Variants in CLCF1 observed in about 807,000 individuals in gnomAD.
CLCF1 encodes cardiotrophin-like cytokine factor 1.
Under a neutral mutation model 21.2 loss-of-function variants are expected in CLCF1, and 10 were observed. That is an observed-to-expected ratio of 0.47 (90% confidence interval 0.29 to 0.80). CLCF1 has a LOEUF of 0.80. Ranked by LOEUF, CLCF1 falls within the 30% of genes least tolerant of loss-of-function variation. The pLI, the probability that CLCF1 is intolerant of heterozygous loss-of-function variation, is 0.09. For missense variants in CLCF1, 240 were observed against 293.4 expected (o/e 0.82, Z 1.33); for synonymous variants, 115 against 120.5 (o/e 0.95, Z 0.30).
At chr11:67,370,386 C>T (rs915799167) in intron 1 of CLCF1, 6 of 984,342 alleles carry the variant, frequency 6.1e-6, no homozygotes, top group Non-Finnish European at 7.2e-6. Context: ...CCCTCTCCCC[C>T]TCCCCACCAG....
Position 67,365,016 on chromosome 11 carries a change from G to T in CLCF1, c.*120C>A. On this transcript the variant is annotated 3_prime_UTR_variant, in exon 3 of 3. Transcript: ENST00000312438. The surrounding 1 kb of genome is among the most constrained non-coding windows in gnomAD (Gnocchi z 5.0). Reference sequence around the variant, plus strand: ...TCGCATCACACGCCCAGCCGGTCCAGGAAAGGGCCAGAGGCTCACAGCTTC... The same window carrying T: ...TCGCATCACACGCCCAGCCGGTCCATGAAAGGGCCAGAGGCTCACAGCTTC... 6.5e-7 allele frequency: 1 copy of T among 1,548,234 alleles called. No homozygotes were observed.
chr11:67,366,766 T>C (rs2134878356), intron 2 of CLCF1, among the ~76,000 whole-genome samples: 1 of 152,176 alleles, frequency 6.6e-6, no homozygotes, highest in East Asian at 1.9e-4. Flanking sequence ...CTCCCTTTTC[T>C]TTCCCTGGCT....
rs766128849 is a variant in CLCF1, at chr11:67,367,466, C to T, written c.177G>A (p.Gly59=). ...TCCTACGCTGGATACTCACATAGGT[C>T]CCAGCCAAGCTGCGGAGTTGGTGCT... ...YLEHQLRSLA[G]TYLNYLGPPF... The change falls in exon 2 of 3, where the codon GGG becomes GGA. Residue 59 remains glycine, a synonymous_variant. Coordinates refer to ENST00000312438, the MANE Select transcript of CLCF1 (RefSeq NM_013246.3). 6.2e-7 allele frequency: 1 copy of T among 1,614,232 alleles called. No individual in the cohort carries two copies. The highest frequency in any genetic ancestry group is 8.5e-7 in the Non-Finnish European group (1 of 1,180,038).
At chr11:67,373,490 G>GCGGGGGT (rs1862281694) in intron 1 of CLCF1, 34 bp downstream of exon 1, 1 of 1,148,342 alleles carries the variant, frequency 8.7e-7, no homozygotes, top group Admixed American at 2.5e-5. Context: ...GCTTGGCGGG[G>GCGGGGGT]CGGGGGTCGG....
chr11:67,367,490 C>G lies in CLCF1; in HGVS notation c.153G>C (p.Glu51Asp). ...QKTYDLTRYL[E>D]HQLRSLAGTY... ...TCCCAGCCAAGCTGCGGAGTTGGTG[C>G]TCCAGGTAGCGGGTGAGGTCATAGG... is the stretch of plus-strand genomic sequence containing the variant. The change falls in exon 2 of 3, where the codon GAG (glutamate) becomes GAC (aspartate). Residue 51 changes from glutamate to aspartate, a missense_variant. Transcript: ENST00000312438. 1 of 1,614,244 alleles carries G rather than the reference C, an allele frequency of 6.2e-7. No homozygotes were observed. The highest frequency in any genetic ancestry group is 1.1e-5 in the South Asian group (1 of 91,088).
intron 1 of CLCF1, chr11:67,367,998 C>T (rs1010180637): frequency 3.9e-5 from 38 of 982,140 alleles, no homozygotes; most frequent in African/African-American, 5.5e-5. Flanking sequence ...TGCCTGTGTT[C>T]CAGTTGTACC....
At position 67,373,526 on chromosome 11, in the gene CLCF1, G is replaced by A; in HGVS notation, c.14C>T (p.Ala5Val). The change falls in exon 1 of 3, where the codon GCA (alanine) becomes GTA (valine). Residue 5 changes from alanine (A) to valine (V), a missense_variant and splice_region_variant. Transcript: ENST00000312438. MDLR[A>V]GDSWGMLACL... ...GGCCTCGGCCGCCTGGCTCCTACCT[G>A]CTCGGAGGTCCATGGGGCTGGGGCC... The A allele has an allele frequency of 1.4e-6, 2 of 1,427,760 alleles. No homozygotes were observed. Among genetic ancestry groups the A allele is most frequent in the Non-Finnish European group, 1.8e-6 (2 of 1,087,404 alleles). 88.4% of individuals were successfully genotyped at this position (1,427,760 alleles called of 1,614,324 possible). A position where few individuals can be genotyped will look rare whatever the true frequency, so the allele number is the denominator to read the frequency against.
chr11:67,367,994 T>A, intron 1 of CLCF1: 1 of 983,858 alleles, frequency 1.0e-6, no homozygotes, highest in African/African-American at 1.8e-5. Flanking sequence ...GACCTGCCTG[T>A]GTTCCAGTTG....
intron 1 of CLCF1, chr11:67,368,763 A>AG (rs914332739): frequency 1.0e-6 from 1 of 985,120 alleles, no homozygotes; most frequent in African/African-American, 1.7e-5. Context: ...GGGCAGGCAG[A>AG]GGGTGAGTTG....
chr11:67,371,973 G>A (rs1215730644), intron 1 of CLCF1, among the ~76,000 whole-genome samples: 1 of 152,076 alleles, frequency 6.6e-6, no homozygotes, highest in African/African-American at 2.4e-5. Flanking sequence ...TGCCATCTCT[G>A]CTTCCTCCCC....
At position 67,364,417 on chromosome 11, in the gene CLCF1, C is replaced by G. The variant is rs184926921; in HGVS notation, c.*719G>C. 1 of 152,568 alleles carries G rather than the reference C, an allele frequency of 6.6e-6. No individual in the cohort carries two copies. Among genetic ancestry groups the G allele is most frequent in the East Asian group, 1.9e-4 (1 of 5,172 alleles). 9.5% of individuals were successfully genotyped at this position (152,568 alleles called of 1,614,324 possible). A position where few individuals can be genotyped will look rare whatever the true frequency, so the allele number is the denominator to read the frequency against. On this transcript the variant is annotated 3_prime_UTR_variant, in exon 3 of 3. Coordinates refer to ENST00000312438, the MANE Select transcript of CLCF1 (RefSeq NM_013246.3). ...CCCCAGCCTGGCAACCCACAGATACCCTGGGAAAGGGGGCAGAGAAGAGGC... is the reference window on the plus strand; with the variant it reads ...CCCCAGCCTGGCAACCCACAGATACGCTGGGAAAGGGGGCAGAGAAGAGGC...
chr11:67,366,180 G>A (rs1462944473), intron 2 of CLCF1, among the ~76,000 whole-genome samples: 1 of 152,200 alleles, frequency 6.6e-6, no homozygotes, highest in Non-Finnish European at 1.5e-5. Context: ...CCAGATTGCA[G>A]GGGGTTAAGA....
chr11:67,372,642 G>GCGGGGTC lies in CLCF1; in HGVS notation c.16+875_16+881dup, dbSNP rs1394772803. 1.4e-5 allele frequency among the ~76,000 whole-genome samples: 2 copies of GCGGGGTC among 146,930 alleles called. No individual in the cohort carries two copies. The highest frequency in any genetic ancestry group is 3.0e-5 in the Non-Finnish European group (2 of 66,430). On this transcript the variant is annotated intron_variant, in intron 1 of 2. Coordinates refer to ENST00000312438, the MANE Select transcript of CLCF1 (RefSeq NM_013246.3). The surrounding 1 kb of genome is among the most constrained non-coding windows in gnomAD (Gnocchi z 5.9). ...GGCGGGGGCGGGGGCGGGGGCGGGG[G>GCGGGGTC]CGGGGTCCGGGGCACCGGGCTCCGG... is the stretch of plus-strand genomic sequence containing the variant.
rs1040003475 is a variant in CLCF1, at chr11:67,372,643, C to T, written c.16+881G>A. Among the ~76,000 whole-genome samples, 10 of 147,568 alleles carry T rather than the reference C, an allele frequency of 6.8e-5. No homozygotes were observed. The highest frequency in any genetic ancestry group is 1.2e-4 in the African/African-American group (5 of 40,162). Reference sequence around the variant, plus strand: ...GCGGGGGCGGGGGCGGGGGCGGGGGCGGGGTCCGGGGCACCGGGCTCCGGG... The same window carrying T: ...GCGGGGGCGGGGGCGGGGGCGGGGGTGGGGTCCGGGGCACCGGGCTCCGGG... On this transcript the variant is annotated intron_variant, in intron 1 of 2. Transcript: ENST00000312438. This position sits in a 1 kb window ranked among gnomAD's most constrained non-coding sequence, Gnocchi z 5.9.
upstream of CLCF1, chr11:67,373,977 A>G: frequency 2.3e-6 from 2 of 864,430 alleles, no homozygotes; most frequent in African/African-American, 5.0e-5. Flanking sequence ...GCTTCTCCCC[A>G]GGCGTTGGCC....
chr11:67,370,548 C>G, intron 1 of CLCF1: 1 of 982,974 alleles, frequency 1.0e-6, no homozygotes, highest in Non-Finnish European at 1.2e-6. Context: ...CAGCCCCCCA[C>G]CCCCGGCCAG....
In CLCF1 at chr11:67,372,003, G is replaced by A. The variant is rs1862245949; in HGVS notation, c.16+1521C>T. ...CTCCCCGGTGGAGCGTGTGGCTCCA[G>A]GGCAGCGAGGGTGTCTGAGCTGGCC... On this transcript the variant is annotated intron_variant, in intron 1 of 2. Transcript: ENST00000312438. This position sits in a 1 kb window ranked among gnomAD's most constrained non-coding sequence, Gnocchi z 5.9. Among the ~76,000 whole-genome samples, 1 of 152,136 alleles carries A rather than the reference G, an allele frequency of 6.6e-6. No individual in the cohort carries two copies. Among genetic ancestry groups the A allele is most frequent in the South Asian group, 2.1e-4 (1 of 4,830 alleles).
At chr11:67,370,282 A>G (rs748752361) in intron 1 of CLCF1, 1 of 985,152 alleles carries the variant, frequency 1.0e-6, no homozygotes, top group Non-Finnish European at 1.2e-6. Context: ...TCCTGAGGAG[A>G]GTGCGTGGTG....
chr11:67,369,141 C>G (rs1862178405), intron 1 of CLCF1: 2 of 985,162 alleles, frequency 2.0e-6, no homozygotes, highest in Admixed American at 1.2e-4. Context: ...GGGCTAATAA[C>G]TAGGAAGGAT....
Sources: allele counts gnomAD v4.1 joint callset (sites outside exome capture counted in the v4.1 genomes callset), GRCh38; gene constraint gnomAD v4.1.1; non-coding constraint Gnocchi (gnomAD v3.1); transcripts MANE v1.5; gene names NCBI Gene and HGNC (gene_info 2026-07-23, HGNC 2026-07-21).